DOCK5: variants seen among roughly 807,000 people sequenced by gnomAD.
DOCK5 encodes the protein dedicator of cytokinesis 5.
Under a neutral mutation model 251.8 loss-of-function variants are expected in DOCK5, and 142 were observed. That is an observed-to-expected ratio of 0.56 (90% confidence interval 0.49 to 0.65). The LOEUF (loss-of-function observed/expected upper bound fraction) is 0.65, where lower values mean the gene tolerates loss of function less well. Among genes scored for constraint, DOCK5 ranks in the 30% least tolerant of loss-of-function variants. DOCK5 has a pLI of 0.00. For missense variants in DOCK5, 2,111 were observed against 2,312.3 expected (o/e 0.91, Z 1.79); for synonymous variants, 842 against 835.5 (o/e 1.01, Z -0.13).
At chr8:25,235,791 T>C (rs1435098443) in intron 1 of DOCK5, among the ~76,000 whole-genome samples, 1 of 150,186 alleles carries the variant, frequency 6.7e-6, no homozygotes, top group Admixed American at 6.8e-5. Context: ...TTTTTTTCTT[T>C]TCTTTTCCTT....
intron 11 of DOCK5, among the ~76,000 whole-genome samples, chr8:25,307,237 G>C (rs1247310080): frequency 2.0e-5 from 3 of 151,888 alleles, no homozygotes; most frequent in African/African-American, 7.3e-5. Flanking sequence ...TCCTGCCTCA[G>C]CCTCCTGAGT....
chr8:25,246,264 G>T (rs1803104586), intron 2 of DOCK5, among the ~76,000 whole-genome samples: 1 of 151,906 alleles, frequency 6.6e-6, no homozygotes, highest in South Asian at 2.1e-4. Context: ...CTTTCTTTTT[G>T]TTGTTGTTGT....
chr8:25,284,943 C>A (rs1804292650), intron 5 of DOCK5, among the ~76,000 whole-genome samples: 1 of 152,146 alleles, frequency 6.6e-6, no homozygotes. Flanking sequence ...ATGCTGTGCA[C>A]CATCTCACCC....
intron 2 of DOCK5, among the ~76,000 whole-genome samples, chr8:25,249,679 T>G (rs1803215483): frequency 6.6e-6 from 1 of 152,198 alleles, no homozygotes; most frequent in Non-Finnish European, 1.5e-5. Flanking sequence ...CTTGACCTCC[T>G]GGGCTCAAGG....
rs1323849992 is a variant in DOCK5 at position 25,388,893 on chromosome 8, A to G, written c.4132-198A>G. On this transcript the variant is annotated intron_variant, in intron 40 of 51. Coordinates refer to ENST00000276440, the MANE Select transcript of DOCK5 (RefSeq NM_024940.8). ...GGGCTAAGTATTTTTTATGCCTGTG[A>G]TTTAACTTCTCCAATAAACCGCAGC... The G allele has an allele frequency of 6.5e-5, 37 of 573,316 alleles. No homozygotes were observed. In the South Asian group the frequency reaches 7.3e-4, roughly 11 times the overall value. 35.5% of individuals were successfully genotyped at this position (573,316 alleles called of 1,614,324 possible).
intron 5 of DOCK5, among the ~76,000 whole-genome samples, chr8:25,284,726 T>C (rs1172407416): frequency 6.6e-6 from 1 of 152,270 alleles, no homozygotes; most frequent in Non-Finnish European, 1.5e-5. Flanking sequence ...ATTCGTGTAA[T>C]GTCTAACTTT....
At chr8:25,308,706 T>TC in intron 11 of DOCK5, 77 bp from the exon 12 acceptor site, 1 of 1,520,230 alleles carries the variant, frequency 6.6e-7, no homozygotes. Context: ...CCTATATGAC[T>TC]CACCATTATC....
chr8:25,351,930 G>C (rs1275210995), intron 27 of DOCK5, 104 bp downstream of exon 27: 1 of 773,564 alleles, frequency 1.3e-6, no homozygotes, highest in South Asian at 1.6e-5. Context: ...TCTTCACATG[G>C]GCCTCTCACA....
intron 40 of DOCK5, among the ~76,000 whole-genome samples, chr8:25,385,385 G>C (rs577173334): frequency 6.6e-6 from 1 of 152,240 alleles, no homozygotes; most frequent in African/African-American, 2.4e-5. Context: ...TTACAGAGAA[G>C]CGGAAATACT....
intron 50 of DOCK5, chr8:25,409,400 G>A (rs928891236): frequency 5.8e-6 from 1 of 173,680 alleles, no homozygotes; most frequent in Non-Finnish European, 1.3e-5. Context: ...AGCCAGATGG[G>A]AGACAATTGT....
chr8:25,220,697 C>T (rs555284737), intron 1 of DOCK5, among the ~76,000 whole-genome samples: 25 of 152,256 alleles, frequency 1.6e-4, no homozygotes, highest in African/African-American at 4.6e-4. Context: ...CTGCAACCTC[C>T]GCCTCTGGGG....
chr8:25,381,987 A>G (rs1417404262), intron 39 of DOCK5, among the ~76,000 whole-genome samples: 1 of 152,174 alleles, frequency 6.6e-6, no homozygotes, highest in African/African-American at 2.4e-5. Flanking sequence ...TGAACTACAC[A>G]GTCCTTCTTT....
chr8:25,207,070 G>T (rs988430103), intron 1 of DOCK5, among the ~76,000 whole-genome samples: 1 of 152,170 alleles, frequency 6.6e-6, no homozygotes, highest in Admixed American at 6.5e-5. Flanking sequence ...TGGCATCACT[G>T]AAGAAGTTTA....
intron 5 of DOCK5, among the ~76,000 whole-genome samples, chr8:25,283,014 C>A (rs1403052092): frequency 6.6e-6 from 1 of 152,070 alleles, no homozygotes; most frequent in African/African-American, 2.4e-5. Context: ...AGTCCACTAA[C>A]CAGATTAACC....
intron 20 of DOCK5, 137 bp from the exon 21 acceptor site, chr8:25,333,959 G>T: frequency 3.0e-6 from 2 of 665,082 alleles, no homozygotes; most frequent in Non-Finnish European, 5.4e-6. Context: ...CTTGACATCA[G>T]CTCTGGAATA....
chr8:25,401,203 G>A, intron 47 of DOCK5, 137 bp downstream of exon 47: 4 of 1,256,102 alleles, frequency 3.2e-6, no homozygotes, highest in Non-Finnish European at 4.5e-6. Flanking sequence ...GTGGGAGAGA[G>A]TGTGTTCCCC....
rs760625729 is a variant in DOCK5, at chr8:25,275,538, A to G, written c.224+97A>G. ...GCATTAATGCCTTATGTACGTTAAT[A>G]GTTCTCTCATCTCAGGCCAGGCGTG... On this transcript the variant is annotated intron_variant, in intron 4 of 51. Coordinates refer to ENST00000276440, the MANE Select transcript of DOCK5 (RefSeq NM_024940.8). 8.4e-5 allele frequency: 105 copies of G among 1,246,180 alleles called. 1 individual carries two copies. Among genetic ancestry groups the G allele is most frequent in the Middle Eastern group, 8.2e-4 (4 of 4,898 alleles). The allele number at this position is 1,246,180 out of a possible 1,614,324, so 77.2% of individuals were successfully genotyped here. A position where few individuals can be genotyped will look rare whatever the true frequency, so the allele number is the denominator to read the frequency against.
Position 25,266,292 on chromosome 8 carries a change from T to C in DOCK5, c.128-2553T>C, listed in dbSNP as rs918633038. On this transcript the variant is annotated intron_variant, in intron 2 of 51. Transcript: ENST00000276440. ...GTGCAGTGGCACTATCTCGGCTCAC[T>C]GCAAGCTCCGCCTCCTGGGTTCACC... Among the ~76,000 whole-genome samples the C allele has an allele frequency of 4.6e-5, 7 of 151,644 alleles. 1 individual carries two copies. The highest frequency in any genetic ancestry group is 1.5e-4 in the African/African-American group (6 of 41,072).
At chr8:25,322,805 G>A (rs1241215334) in intron 16 of DOCK5, among the ~76,000 whole-genome samples, 1 of 152,196 alleles carries the variant, frequency 6.6e-6, no homozygotes, top group African/African-American at 2.4e-5. Context: ...TAGCTGGGCT[G>A]GAGCCGGATC....
Sources: allele counts gnomAD v4.1 joint callset (sites outside exome capture counted in the v4.1 genomes callset), GRCh38; gene constraint gnomAD v4.1.1; transcripts MANE v1.5; gene names NCBI Gene and HGNC (gene_info 2026-07-23, HGNC 2026-07-21).